CTNNA3: variants seen among roughly 807,000 people sequenced by gnomAD.
CTNNA3 encodes the protein catenin alpha 3.
CTNNA3 carries 76 observed loss-of-function variants against 95.7 expected under a neutral mutation model. The ratio of observed to expected loss-of-function variants is 0.79; its 90% CI spans 0.66 to 0.96. The LOEUF is 0.96. Ranked by LOEUF, CTNNA3 falls within the 40% of genes least tolerant of loss-of-function variation. CTNNA3 has a pLI of 0.00. For missense variants in CTNNA3, 1,191 were observed against 1,089.8 expected (o/e 1.09, Z -1.31); for synonymous variants, 431 against 374.4 (o/e 1.15, Z -1.74).
intron 5 of CTNNA3, among the ~76,000 whole-genome samples, chr10:67,268,495 C>A (rs1438474409): frequency 6.6e-6 from 1 of 152,054 alleles, no homozygotes; most frequent in African/African-American, 2.4e-5. Context: ...CACTGGGCAA[C>A]AAAGGGAGAC....
At chr10:66,587,242 TTG>T (rs1367756278) in intron 10 of CTNNA3, among the ~76,000 whole-genome samples, 2 of 152,158 alleles carry the variant, frequency 1.3e-5, no homozygotes, top group African/African-American at 4.8e-5. Flanking sequence ...ATAGCTGAGG[TTG>T]CATAAAAGTT....
chr10:67,297,793 C>A (rs1470365212), intron 5 of CTNNA3, among the ~76,000 whole-genome samples: 2 of 152,190 alleles, frequency 1.3e-5, no homozygotes, highest in African/African-American at 4.8e-5. Context: ...ACACCTTGTT[C>A]ATTATGGACA....
chr10:65,960,666 C>T (rs563638936), intron 17 of CTNNA3, among the ~76,000 whole-genome samples: 22 of 152,172 alleles, frequency 1.4e-4, no homozygotes, highest in Non-Finnish European at 2.6e-4. Flanking sequence ...TCAGCTCTTA[C>T]CCCTCTCCCT....
chr10:65,991,762 C>T (rs2078550973), intron 15 of CTNNA3, among the ~76,000 whole-genome samples: 1 of 151,992 alleles, frequency 6.6e-6, no homozygotes, highest in African/African-American at 2.4e-5. Flanking sequence ...ATTGCTCTGG[C>T]TGATAACCTT....
chr10:66,606,098 C>T (rs751688656), intron 10 of CTNNA3, among the ~76,000 whole-genome samples: 3 of 151,740 alleles, frequency 2.0e-5, no homozygotes, highest in Non-Finnish European at 4.4e-5. Context: ...CAAATAAATG[C>T]AAAACAGAAA....
intron 17 of CTNNA3, among the ~76,000 whole-genome samples, chr10:65,938,542 T>C (rs894997618): frequency 2.0e-5 from 3 of 152,204 alleles, no homozygotes; most frequent in Non-Finnish European, 4.4e-5. Flanking sequence ...GTCTGATTTA[T>C]AACCTTTCTC....
Position 66,775,542 on chromosome 10 carries a change from C to A in CTNNA3, c.1048-18G>T. 6.4e-7 allele frequency: 1 copy of A among 1,557,380 alleles called. No individual in the cohort carries two copies. Among genetic ancestry groups the A allele is most frequent in the Non-Finnish European group, 8.8e-7 (1 of 1,136,218 alleles). ...TTTCCAGCCTGCAAAGAAGAAAAAACGACATAAGCAATGGTATCAATTAAT... is the reference window on the plus strand; with the variant it reads ...TTTCCAGCCTGCAAAGAAGAAAAAAAGACATAAGCAATGGTATCAATTAAT... On this transcript the variant is annotated intron_variant, in intron 7 of 17. Transcript: ENST00000433211.
chr10:67,096,612 T>C (rs1858009245), intron 7 of CTNNA3, among the ~76,000 whole-genome samples: 1 of 151,890 alleles, frequency 6.6e-6, no homozygotes, highest in African/African-American at 2.4e-5. Context: ...TAGGACAAGT[T>C]TTTATCTTAT....
chr10:67,395,898 C>T (rs1844689685), intron 5 of CTNNA3, among the ~76,000 whole-genome samples: 1 of 152,116 alleles, frequency 6.6e-6, no homozygotes, highest in Admixed American at 6.5e-5. Flanking sequence ...AATGGCAAAG[C>T]CACAAGTCTT....
At chr10:66,111,343 G>A (rs141428030) in intron 13 of CTNNA3, among the ~76,000 whole-genome samples, 2 of 152,266 alleles carry the variant, frequency 1.3e-5, no homozygotes, top group African/African-American at 4.8e-5. Flanking sequence ...GTGGAACTGT[G>A]TGCCAATTAA....
intron 17 of CTNNA3, among the ~76,000 whole-genome samples, chr10:65,951,106 A>C (rs1422468785): frequency 6.6e-6 from 1 of 152,196 alleles, no homozygotes; most frequent in East Asian, 1.9e-4. Context: ...GTAACTCCTG[A>C]AGGAGCTGAT....
chr10:66,576,846 C>T (rs1022944044), intron 10 of CTNNA3, among the ~76,000 whole-genome samples: 29 of 151,208 alleles, frequency 1.9e-4, no homozygotes, highest in African/African-American at 5.8e-4. Flanking sequence ...GGGTGTATAC[C>T]CAATAGTGGA....
intron 9 of CTNNA3, among the ~76,000 whole-genome samples, chr10:66,685,506 G>T (rs1847264377): frequency 6.8e-6 from 1 of 147,912 alleles, no homozygotes; most frequent in African/African-American, 2.5e-5. Flanking sequence ...CCAAGTAGCT[G>T]GGACTACAGG....
intron 7 of CTNNA3, among the ~76,000 whole-genome samples, chr10:66,908,454 A>ATGT (rs1846085006): frequency 6.6e-6 from 1 of 152,152 alleles, no homozygotes; most frequent in Admixed American, 6.5e-5. Context: ...GCTTTACCGA[A>ATGT]TGTTTAGAAT....
intron 11 of CTNNA3, among the ~76,000 whole-genome samples, chr10:66,451,764 T>C (rs1287767988): frequency 6.6e-6 from 1 of 152,156 alleles, no homozygotes. Context: ...AATTAAAATA[T>C]AAAAATTTTG....
At chr10:67,752,255 C>A (rs1027923014) in intron 1 of CTNNA3, among the ~76,000 whole-genome samples, 1 of 152,104 alleles carries the variant, frequency 6.6e-6, no homozygotes, top group Admixed American at 6.5e-5. Context: ...CAGAAAAGGC[C>A]GTTGATAAAA....
At chr10:67,492,203 A>G (rs1229351587) in intron 5 of CTNNA3, among the ~76,000 whole-genome samples, 1 of 152,134 alleles carries the variant, frequency 6.6e-6, no homozygotes, top group African/African-American at 2.4e-5. Flanking sequence ...TTACTCTGAC[A>G]GGAACTGGGA....
chr10:67,044,873 A>G (rs1854630531), intron 7 of CTNNA3, among the ~76,000 whole-genome samples: 1 of 152,194 alleles, frequency 6.6e-6, no homozygotes, highest in African/African-American at 2.4e-5. Context: ...TTATGACCTC[A>G]GATAAGTTTC....
chr10:66,063,358 A>G (rs995984030), intron 15 of CTNNA3, among the ~76,000 whole-genome samples: 1 of 149,868 alleles, frequency 6.7e-6, no homozygotes, highest in Non-Finnish European at 1.5e-5. Flanking sequence ...CCTTTTATAT[A>G]TCAAGATCTG....
Sources: gnomAD v4.1 joint callset for allele counts (sites outside exome capture counted in the v4.1 genomes callset) on GRCh38, gnomAD v4.1.1 for gene constraint, MANE v1.5 for transcripts, NCBI Gene and HGNC (gene_info 2026-07-23, HGNC 2026-07-21) for gene names.